Variants in GRM7 observed in about 807,000 individuals in gnomAD.
GRM7 encodes metabotropic glutamate receptor 7.
In GRM7, 35 loss-of-function variants were observed where a neutral mutation model predicts 84.5. The ratio of observed to expected loss-of-function variants is 0.41; its 90% CI spans 0.32 to 0.55. The LOEUF (loss-of-function observed/expected upper bound fraction) is 0.55. GRM7 is among the 20% of genes least tolerant of loss of function. The pLI, the probability that GRM7 is intolerant of heterozygous loss-of-function variation, is 0.19. For synonymous variants in GRM7, 487 were observed against 455.1 expected (o/e 1.07, Z -0.89); for missense variants, 1,003 against 1,194.6 (o/e 0.84, Z 2.36).
intron 9 of GRM7, among the ~76,000 whole-genome samples, chr3:7,699,138 C>T (rs1701127449): frequency 6.6e-6 from 1 of 152,174 alleles, no homozygotes; most frequent in Non-Finnish European, 1.5e-5. Flanking sequence ...CCTTAGTGGT[C>T]TCTGGGTTAC....
chr3:7,114,847 C>T (rs375533116), intron 1 of GRM7, among the ~76,000 whole-genome samples: 28 of 152,250 alleles, frequency 1.8e-4, no homozygotes, highest in African/African-American at 6.7e-4. Flanking sequence ...TTCCTTTCAT[C>T]GCTGATCTCA....
At chr3:7,169,114 A>G (rs769450826) in intron 2 of GRM7, among the ~76,000 whole-genome samples, 9 of 152,258 alleles carry the variant, frequency 5.9e-5, no homozygotes, top group South Asian at 4.1e-4. Context: ...AGTGGCTTCA[A>G]TATTTTTGCC....
At chr3:7,657,370 T>C (rs1023881145) in intron 8 of GRM7, among the ~76,000 whole-genome samples, 1 of 152,226 alleles carries the variant, frequency 6.6e-6, no homozygotes, top group African/African-American at 2.4e-5. Context: ...ATACAAACCC[T>C]GATATGAACA....
chr3:7,533,537 G>A (rs1701123725), intron 7 of GRM7, among the ~76,000 whole-genome samples: 1 of 152,120 alleles, frequency 6.6e-6, no homozygotes, highest in Non-Finnish European at 1.5e-5. Flanking sequence ...CAGCTATGAT[G>A]GCTAATTCAT....
chr3:7,579,496 G>C (rs1309173901), intron 8 of GRM7, 139 bp downstream of exon 8: 5 of 586,474 alleles, frequency 8.5e-6, no homozygotes, highest in Non-Finnish European at 1.5e-5. Context: ...CTAATTCAAG[G>C]TCTAGTAGGC....
intron 4 of GRM7, among the ~76,000 whole-genome samples, chr3:7,385,730 C>G (rs1454488588): frequency 6.6e-6 from 1 of 152,200 alleles, no homozygotes; most frequent in Non-Finnish European, 1.5e-5. Context: ...TGAGAATACT[C>G]TTCCATGTGT....
At chr3:7,020,285 T>C (rs1695729606) in intron 1 of GRM7, among the ~76,000 whole-genome samples, 1 of 152,214 alleles carries the variant, frequency 6.6e-6, no homozygotes, top group South Asian at 2.1e-4. Context: ...ATTCCAACTA[T>C]GTGACATTCT....
chr3:7,729,808 G>A (rs1483409296), intron 9 of GRM7, among the ~76,000 whole-genome samples: 1 of 151,150 alleles, frequency 6.6e-6, no homozygotes, highest in Non-Finnish European at 1.5e-5. Context: ...TGGGTTCAAG[G>A]GATTCTCCTG....
At chr3:7,229,759 A>ATATATATATTTTTT (rs1434216248) in intron 2 of GRM7, among the ~76,000 whole-genome samples, 1 of 30,440 alleles carries the variant, frequency 3.3e-5, no homozygotes, top group African/African-American at 1.3e-4. Context: ...ATATATATAT[A>ATATATATATTTTTT]TTTTTTTTTT....
chr3:7,368,836 A>T (rs1183225687), intron 4 of GRM7, among the ~76,000 whole-genome samples: 1 of 152,136 alleles, frequency 6.6e-6, no homozygotes, highest in African/African-American at 2.4e-5. Context: ...CTCTAACATC[A>T]AATTTAGCGC....
At chr3:6,920,357 C>T (rs1041142485) in intron 1 of GRM7, among the ~76,000 whole-genome samples, 4 of 152,064 alleles carry the variant, frequency 2.6e-5, no homozygotes, top group Non-Finnish European at 5.9e-5. Context: ...GAGTTCAAGA[C>T]CAGCCTGGCC....
intron 8 of GRM7, among the ~76,000 whole-genome samples, chr3:7,661,794 C>CA (rs71043686): frequency 0.044 from 1,234 of 28,162 alleles, 231 homozygotes; most frequent in African/African-American, 0.17. Context: ...GTCTCCGTCT[C>CA]AAAAAAAAAA....
intron 1 of GRM7, among the ~76,000 whole-genome samples, chr3:6,968,441 G>T (rs1030512112): frequency 1.3e-5 from 2 of 151,944 alleles, no homozygotes; most frequent in Non-Finnish European, 2.9e-5. Flanking sequence ...ATTTTTGGAG[G>T]GACATAATTC....
rs562900828 is a variant in GRM7, at chr3:7,191,699, T to G, written c.736+45031T>G. Among the ~76,000 whole-genome samples the G allele has an allele frequency of 1.4e-3, 210 of 150,650 alleles. 3 individuals carry two copies. Among genetic ancestry groups the G allele is most frequent in the African/African-American group, 5.0e-3 (206 of 40,960 alleles). ...ATGACATTCTTGAAACGACAAGGCA[T>G]GATGGAAAATAGATCAGATGTGGCC... On this transcript the variant is annotated intron_variant, in intron 2 of 9. Transcript: ENST00000357716.
At chr3:7,298,626 G>A in intron 2 of GRM7, 58 bp from the exon 3 acceptor site, 1 of 1,470,212 alleles carries the variant, frequency 6.8e-7, no homozygotes, top group East Asian at 2.3e-5. Context: ...ACCTTCCTTG[G>A]CTCCTTTGAC....
At chr3:7,150,581 T>C (rs1006367760) in intron 2 of GRM7, among the ~76,000 whole-genome samples, 4 of 152,228 alleles carry the variant, frequency 2.6e-5, no homozygotes, top group African/African-American at 9.6e-5. Context: ...AAGAGAACTG[T>C]AACATGATTT....
intron 1 of GRM7, among the ~76,000 whole-genome samples, chr3:7,137,167 G>A (rs1336429504): frequency 2.0e-5 from 3 of 152,098 alleles, no homozygotes; most frequent in Non-Finnish European, 4.4e-5. Context: ...TATATAGGTT[G>A]TATATGATAT....
intron 9 of GRM7, among the ~76,000 whole-genome samples, chr3:7,685,319 G>A (rs749293003): frequency 6.6e-6 from 1 of 152,162 alleles, no homozygotes; most frequent in Non-Finnish European, 1.5e-5. Context: ...AGAGAGGCCT[G>A]GCCCTAAGCT....
chr3:7,510,445 T>G (rs759840544), intron 7 of GRM7, among the ~76,000 whole-genome samples: 1 of 152,224 alleles, frequency 6.6e-6, no homozygotes, highest in Non-Finnish European at 1.5e-5. Flanking sequence ...CCCCTGAGTA[T>G]AAAAGGTACT....
Sources: gnomAD v4.1 joint callset for allele counts (sites outside exome capture counted in the v4.1 genomes callset) on GRCh38, gnomAD v4.1.1 for gene constraint, MANE v1.5 for transcripts, NCBI Gene and HGNC (gene_info 2026-07-23, HGNC 2026-07-21) for gene names.